SWAP70: variants seen among roughly 807,000 people sequenced by gnomAD.
SWAP70 encodes switching B cell complex subunit SWAP70.
Under a neutral mutation model 80.2 loss-of-function variants are expected in SWAP70, and 34 were observed. The ratio of observed to expected loss-of-function variants is 0.42; its 90% confidence interval spans 0.32 to 0.56. The LOEUF (loss-of-function observed/expected upper bound fraction) is 0.56. Ranked by LOEUF, SWAP70 falls within the 20% of genes least tolerant of loss-of-function variation. The pLI is 0.09. For synonymous variants in SWAP70, 239 were observed against 238.5 expected (o/e 1.00, Z -0.02); for missense variants, 578 against 690.7 (o/e 0.84, Z 1.83).
intron 2 of SWAP70, 67 bp downstream of exon 2, chr11:9,694,353 C>T (rs1850729788): frequency 1.2e-5 from 18 of 1,493,892 alleles, no homozygotes; most frequent in Admixed American, 2.1e-5. Context: ...GGCCCAAAAG[C>T]CCCCTGTTGG....
At chr11:9,668,091 G>C (rs1342399477) in intron 1 of SWAP70, among the ~76,000 whole-genome samples, 1 of 152,094 alleles carries the variant, frequency 6.6e-6, no homozygotes, top group East Asian at 1.9e-4. Flanking sequence ...GTTTCACCAT[G>C]TTGGCTGGGC....
chr11:9,740,574 C>T (rs1316110106), intron 9 of SWAP70: 6 of 547,328 alleles, frequency 1.1e-5, no homozygotes, highest in Middle Eastern at 4.9e-4. Context: ...TAAATAAGGG[C>T]CTATTTTAGA....
intron 1 of SWAP70, among the ~76,000 whole-genome samples, chr11:9,682,794 A>T (rs1269125749): frequency 6.6e-6 from 1 of 152,300 alleles, no homozygotes; most frequent in East Asian, 1.9e-4. Flanking sequence ...CTCATGCCTC[A>T]GCCTCCCAAG....
chr11:9,675,115 T>C (rs1272902732), intron 1 of SWAP70, among the ~76,000 whole-genome samples: 2 of 151,964 alleles, frequency 1.3e-5, no homozygotes, highest in South Asian at 4.1e-4. Context: ...CTTTGCAACA[T>C]AGTAAGACAA....
At chr11:9,665,080 C>A in intron 1 of SWAP70, among the ~76,000 whole-genome samples, 1 of 152,100 alleles carries the variant, frequency 6.6e-6, no homozygotes, top group Non-Finnish European at 1.5e-5. Context: ...GGCATTAAGC[C>A]AGCAGAAATT....
chr11:9,699,883 T>TA (rs1394662478), intron 2 of SWAP70, among the ~76,000 whole-genome samples: 1 of 150,380 alleles, frequency 6.6e-6, no homozygotes, highest in African/African-American at 2.4e-5. Flanking sequence ...TATATATATA[T>TA]ATATATAGTC....
chr11:9,697,084 A>G (rs1468777442), intron 2 of SWAP70, among the ~76,000 whole-genome samples: 1 of 151,724 alleles, frequency 6.6e-6, no homozygotes, highest in Non-Finnish European at 1.5e-5. Flanking sequence ...AATTTTAAAA[A>G]CTCAATTTTT....
At position 9,728,019 on chromosome 11, in the gene SWAP70, GA is replaced by G. The variant is rs1225838420; in HGVS notation, c.643-33del. 5.2e-6 allele frequency: 8 copies of G among 1,553,278 alleles called. No individual in the cohort carries two copies. In the African/African-American group the frequency reaches 9.9e-5, roughly 19 times the overall value. On this transcript the variant is annotated intron_variant, in intron 4 of 11. Transcript: ENST00000318950. ...AGATGTCAGCTCTTACAAATAAAAAGACAATAATTTATATCACATTTAATCT... is the reference window on the plus strand; with the variant it reads ...AGATGTCAGCTCTTACAAATAAAAAGCAATAATTTATATCACATTTAATCT...
At chr11:9,742,777 A>T (rs916953222) in intron 9 of SWAP70, among the ~76,000 whole-genome samples, 2 of 152,068 alleles carry the variant, frequency 1.3e-5, no homozygotes, top group Non-Finnish European at 2.9e-5. Flanking sequence ...TAGAAAAATC[A>T]AGGGAAGTCA....
rs10573564 is a variant in SWAP70 at position 9,750,339 on chromosome 11, T to TCAAAACAAAA, written c.*390_*399dup. 3 of 162,152 alleles carry TCAAAACAAAA rather than the reference T, an allele frequency of 1.9e-5. No homozygotes were observed. The highest frequency in any genetic ancestry group is 2.7e-5 in the Non-Finnish European group (2 of 74,586). 10.0% of individuals were successfully genotyped at this position (162,152 alleles called of 1,614,324 possible). On this transcript the variant is annotated 3_prime_UTR_variant, in exon 12 of 12. Coordinates refer to ENST00000318950, the MANE Select transcript of SWAP70 (RefSeq NM_015055.4). ...TTGGGCAACAGAGTGAGACTCCATC[T>TCAAAACAAAA]CAAAACAAAACAAAACAAAACAAAA...
chr11:9,676,345 T>A (rs1192685270), intron 1 of SWAP70, among the ~76,000 whole-genome samples: 1 of 152,124 alleles, frequency 6.6e-6, no homozygotes, highest in Non-Finnish European at 1.5e-5. Context: ...TTTCCACCAT[T>A]TTTCCCCCTT....
At chr11:9,671,926 TTATATTTTATAA>T (rs1439458818) in intron 1 of SWAP70, among the ~76,000 whole-genome samples, 5 of 110,428 alleles carry the variant, frequency 4.5e-5, no homozygotes, top group East Asian at 2.7e-4. Context: ...TATAATATAA[TTATATTTTATAA>T]TATATTTTAT....
Position 9,698,167 on chromosome 11 carries a change from C to T in SWAP70, c.240+3881C>T, listed in dbSNP as rs964647107. Among the ~76,000 whole-genome samples, 7 of 137,672 alleles carry T rather than the reference C, an allele frequency of 5.1e-5. No individual in the cohort carries two copies. The South Asian group carries it at 1.7e-3, about 33-fold the overall frequency. 90.3% of individuals were successfully genotyped at this position (137,672 alleles called of 152,430 possible). A position where few individuals can be genotyped will look rare whatever the true frequency, so the allele number is the denominator to read the frequency against. ...CCAGGCTGGAGTACAGTGGCATGAT[C>T]TCAGCTCACTGCATCCTCCGCCTCC... On this transcript the variant is annotated intron_variant, in intron 2 of 11. Coordinates refer to ENST00000318950, the MANE Select transcript of SWAP70 (RefSeq NM_015055.4).
intron 2 of SWAP70, among the ~76,000 whole-genome samples, chr11:9,702,386 A>G (rs1850843824): frequency 6.7e-6 from 1 of 150,298 alleles, no homozygotes. Context: ...GTTTTTTGAA[A>G]GTTACATAGT....
chr11:9,742,558 A>G (rs1365940232), intron 9 of SWAP70, among the ~76,000 whole-genome samples: 2 of 151,936 alleles, frequency 1.3e-5, no homozygotes, highest in Non-Finnish European at 2.9e-5. Flanking sequence ...GATGGACTCC[A>G]TCTCCTGACC....
At chr11:9,697,855 C>T (rs563834955) in intron 2 of SWAP70, among the ~76,000 whole-genome samples, 1 of 152,176 alleles carries the variant, frequency 6.6e-6, no homozygotes, top group South Asian at 2.1e-4. Flanking sequence ...GTCACAGCTC[C>T]CTGCAACCTT....
intron 1 of SWAP70, among the ~76,000 whole-genome samples, chr11:9,672,044 T>A (rs1255245218): frequency 4.8e-5 from 6 of 123,816 alleles, no homozygotes; most frequent in African/African-American, 1.9e-4. Context: ...TAATATATTT[T>A]ATATAATATA....
chr11:9,742,319 A>G (rs1004826324), intron 9 of SWAP70, among the ~76,000 whole-genome samples: 4 of 151,986 alleles, frequency 2.6e-5, no homozygotes, highest in African/African-American at 7.3e-5. Context: ...GGAACCTGAA[A>G]TGGACAAATT....
intron 3 of SWAP70, among the ~76,000 whole-genome samples, chr11:9,722,182 C>T (rs184820521): frequency 1.8e-4 from 28 of 152,212 alleles, no homozygotes; most frequent in Admixed American, 8.5e-4. Context: ...CTCATTTCAC[C>T]CCACAGCATT....
Sources: gnomAD v4.1 joint callset for allele counts (sites outside exome capture counted in the v4.1 genomes callset) on GRCh38, gnomAD v4.1.1 for gene constraint, MANE v1.5 for transcripts, NCBI Gene and HGNC (gene_info 2026-07-23, HGNC 2026-07-21) for gene names.